The following AKAP6 variants were observed in gnomAD, a reference collection of about 807,000 sequenced individuals.
AKAP6 encodes the protein A-kinase anchor protein 6.
Under a neutral mutation model 188.5 loss-of-function variants are expected in AKAP6, and 58 were observed. The ratio of observed to expected loss-of-function variants is 0.31; its 90% confidence interval spans 0.25 to 0.38. The LOEUF (loss-of-function observed/expected upper bound fraction) is 0.38, where lower values mean the gene tolerates loss of function less well. Ranked by LOEUF, AKAP6 falls within the 10% of genes least tolerant of loss-of-function variation. The pLI is 1.00. For synonymous variants in AKAP6, 989 were observed against 998.6 expected (o/e 0.99, Z 0.18); for missense variants, 2,710 against 2,740.0 (o/e 0.99, Z 0.24).
chr14:32,375,500 C>CA (rs35341541), intron 1 of AKAP6, among the ~76,000 whole-genome samples: 51,514 of 127,554 alleles, frequency 0.4, 9,438 homozygotes, highest in Admixed American at 0.47. Context: ...TTAGAGTAAG[C>CA]AAAAAAAAAA....
chr14:32,758,057 T>A (rs540512167), intron 11 of AKAP6, among the ~76,000 whole-genome samples: 44 of 152,362 alleles, frequency 2.9e-4, no homozygotes, highest in African/African-American at 1.1e-3. Context: ...TATAAACTTT[T>A]AGAAAGTATC....
At chr14:32,819,746 T>C (rs2034472586) in intron 12 of AKAP6, among the ~76,000 whole-genome samples, 1 of 151,908 alleles carries the variant, frequency 6.6e-6, no homozygotes, top group African/African-American at 2.4e-5. Context: ...ATCCAGGAGT[T>C]CAAGACCAGC....
rs1401465595 is a variant in AKAP6 at position 32,755,475 on chromosome 14, T to C, written c.3373-18203T>C. ...TAGTTGTTTGTTTTGTTTAGTTGTTTATTTGTGTTCTCTTGTAGCCCACTG... is the reference window on the plus strand; with the variant it reads ...TAGTTGTTTGTTTTGTTTAGTTGTTCATTTGTGTTCTCTTGTAGCCCACTG... On this transcript the variant is annotated intron_variant, in intron 11 of 13. Coordinates refer to ENST00000280979, the MANE Select transcript of AKAP6 (RefSeq NM_004274.5). Among the ~76,000 whole-genome samples the C allele has an allele frequency of 2.6e-5, 4 of 151,776 alleles. No homozygotes were observed. The South Asian group carries it at 6.2e-4, about 24-fold the overall frequency.
intron 1 of AKAP6, among the ~76,000 whole-genome samples, chr14:32,421,258 A>G (rs1344001482): frequency 6.6e-6 from 1 of 152,052 alleles, no homozygotes; most frequent in African/African-American, 2.4e-5. Context: ...GAAAGATTTC[A>G]TTGACGATTC....
At chr14:32,607,589 T>G (rs1034227218) in intron 7 of AKAP6, among the ~76,000 whole-genome samples, 16 of 152,208 alleles carry the variant, frequency 1.1e-4, no homozygotes, top group Non-Finnish European at 2.9e-5. Flanking sequence ...TTCTGCTTAG[T>G]GGTCTTATCA....
intron 2 of AKAP6, among the ~76,000 whole-genome samples, chr14:32,493,063 G>A (rs1880119818): frequency 1.3e-5 from 2 of 152,188 alleles, no homozygotes; most frequent in South Asian, 2.1e-4. Context: ...GAGAAAAAGG[G>A]TAACTGTTTG....
chr14:32,648,177 G>A (rs185611331), intron 7 of AKAP6, among the ~76,000 whole-genome samples: 107 of 152,180 alleles, frequency 7.0e-4, no homozygotes, highest in African/African-American at 1.6e-3. Flanking sequence ...TTAGCTGGAG[G>A]AGAATTTAGA....
At chr14:32,665,128 TC>T (rs1286364153) in intron 7 of AKAP6, among the ~76,000 whole-genome samples, 1 of 151,792 alleles carries the variant, frequency 6.6e-6, no homozygotes, top group Non-Finnish European at 1.5e-5. Context: ...TGGGGAGAGT[TC>T]TCCCCATACA....
chr14:32,766,184 A>G (rs1265495868), intron 11 of AKAP6, among the ~76,000 whole-genome samples: 1 of 152,142 alleles, frequency 6.6e-6, no homozygotes, highest in Non-Finnish European at 1.5e-5. Flanking sequence ...TATGATATGT[A>G]TAAGTACTTC....
chr14:32,334,937 G>T (rs1594512735), intron 1 of AKAP6, among the ~76,000 whole-genome samples: 1 of 152,286 alleles, frequency 6.6e-6, no homozygotes, highest in East Asian at 1.9e-4. Flanking sequence ...AGAGAATGTG[G>T]AACCTTTATT....
chr14:32,535,914 C>T lies in AKAP6; in HGVS notation c.576+109C>T. 6 of 1,456,050 alleles carry T rather than the reference C, an allele frequency of 4.1e-6. No individual in the cohort carries two copies. In the South Asian group the frequency reaches 8.2e-5, roughly 20 times the overall value. 90.2% of individuals were successfully genotyped at this position (1,456,050 alleles called of 1,614,324 possible). On this transcript the variant is annotated intron_variant, in intron 3 of 13. Transcript: ENST00000280979. ...AATTCTTTGTAGGTAAATAAGCAGG[C>T]CCTGATGGGCTTTGAATCTAGGCAT...
At chr14:32,758,189 A>C (rs562534651) in intron 11 of AKAP6, among the ~76,000 whole-genome samples, 34 of 152,322 alleles carry the variant, frequency 2.2e-4, no homozygotes, top group African/African-American at 7.5e-4. Context: ...ACCTGAGCTC[A>C]TCTAGCTAAC....
At chr14:32,532,360 C>A (rs1392986450) in intron 2 of AKAP6, among the ~76,000 whole-genome samples, 3 of 152,102 alleles carry the variant, frequency 2.0e-5, no homozygotes, top group African/African-American at 4.8e-5. Flanking sequence ...GGGAATGGGG[C>A]CAATTTACCT....
intron 1 of AKAP6, among the ~76,000 whole-genome samples, chr14:32,354,561 A>C (rs1165136015): frequency 6.6e-6 from 1 of 152,224 alleles, no homozygotes; most frequent in East Asian, 1.9e-4. Flanking sequence ...TCCAGGGCTT[A>C]TCCAGATCTT....
intron 3 of AKAP6, among the ~76,000 whole-genome samples, chr14:32,543,147 C>T (rs1182127919): frequency 6.6e-6 from 1 of 152,114 alleles, no homozygotes; most frequent in Non-Finnish European, 1.5e-5. Flanking sequence ...GAACTTATTC[C>T]TCCTATCTAG....
intron 13 of AKAP6, among the ~76,000 whole-genome samples, chr14:32,825,260 C>CGT (rs2034645810): frequency 6.6e-6 from 1 of 152,190 alleles, no homozygotes; most frequent in African/African-American, 2.4e-5. Flanking sequence ...AAGGCCACAT[C>CGT]TCCTGATTTG....
At chr14:32,723,035 A>G (rs2030634517) in intron 9 of AKAP6, among the ~76,000 whole-genome samples, 1 of 152,186 alleles carries the variant, frequency 6.6e-6, no homozygotes, top group Admixed American at 6.5e-5. Flanking sequence ...GCTGACACCC[A>G]AAGTCACTTG....
At chr14:32,335,998 A>G (rs1050688971) in intron 1 of AKAP6, among the ~76,000 whole-genome samples, 6 of 151,886 alleles carry the variant, frequency 4.0e-5, no homozygotes, top group African/African-American at 4.8e-5. Flanking sequence ...CCAGCAAGGT[A>G]GTTCCAGCCA....
intron 2 of AKAP6, among the ~76,000 whole-genome samples, chr14:32,510,016 G>A (rs1487745544): frequency 6.6e-6 from 1 of 152,034 alleles, no homozygotes; most frequent in Non-Finnish European, 1.5e-5. Flanking sequence ...ATGTATTCTG[G>A]CTACATTTAA....
Sources: allele counts gnomAD v4.1 joint callset (sites outside exome capture counted in the v4.1 genomes callset), GRCh38; gene constraint gnomAD v4.1.1; transcripts MANE v1.5; gene names NCBI Gene and HGNC (gene_info 2026-07-23, HGNC 2026-07-21).